RIMS2: variants seen among roughly 807,000 people sequenced by gnomAD.
RIMS2 encodes the protein regulating synaptic membrane exocytosis 2, also known as regulating synaptic membrane exocytosis protein 2.
In RIMS2, 59 loss-of-function variants were observed where a neutral mutation model predicts 174.4. The ratio of observed to expected loss-of-function variants is 0.34; its 90% confidence interval spans 0.27 to 0.42. The LOEUF (loss-of-function observed/expected upper bound fraction) is 0.42. Ranked by LOEUF, RIMS2 falls within the 10% of genes least tolerant of loss-of-function variation. RIMS2 has a pLI of 1.00. For missense variants in RIMS2, 1,620 were observed against 1,666.3 expected (o/e 0.97, Z 0.48); for synonymous variants, 606 against 572.5 (o/e 1.06, Z -0.84).
chr8:103,902,068 C>G (rs2073253898), intron 4 of RIMS2, among the ~76,000 whole-genome samples: 1 of 152,194 alleles, frequency 6.6e-6, no homozygotes, highest in Non-Finnish European at 1.5e-5. Flanking sequence ...GCATTTCTAT[C>G]TGGACACTTG....
At chr8:103,887,341 T>C (rs1241121454) in intron 4 of RIMS2, among the ~76,000 whole-genome samples, 1 of 151,636 alleles carries the variant, frequency 6.6e-6, no homozygotes, top group Non-Finnish European at 1.5e-5. Flanking sequence ...CAAATACATT[T>C]CTCATTTTAA....
rs962582193 is a variant in RIMS2 at position 103,899,395 on chromosome 8, C to T, written c.1625-10739C>T. On this transcript the variant is annotated intron_variant, in intron 4 of 23. Transcript: ENST00000504942. The stretch of plus-strand genomic sequence containing the variant: ...CTCTCCAGCACCTGTTGTTTCCTGA[C>T]TTTTTAAATGATCGCCATTCTAACT... 2.0e-5 allele frequency among the ~76,000 whole-genome samples: 3 copies of T among 151,710 alleles called. 1 individual carries two copies. The highest frequency in any genetic ancestry group is 7.3e-5 in the African/African-American group (3 of 41,002).
chr8:103,582,668 G>C (rs112610923), intron 1 of RIMS2, among the ~76,000 whole-genome samples: 1,769 of 152,264 alleles, frequency 0.012, 33 homozygotes, highest in African/African-American at 0.039. Context: ...TTGTGGCTGG[G>C]GGTAATAATG....
At chr8:104,065,400 G>A (rs2097087764) in intron 19 of RIMS2, among the ~76,000 whole-genome samples, 1 of 151,970 alleles carries the variant, frequency 6.6e-6, no homozygotes, top group South Asian at 2.1e-4. Flanking sequence ...ACTAAGTTTT[G>A]TTGAAATAAA....
intron 19 of RIMS2, among the ~76,000 whole-genome samples, chr8:104,158,694 T>G (rs2121551): frequency 0.28 from 43,189 of 152,112 alleles, 6,297 homozygotes; most frequent in Non-Finnish European, 0.32. Context: ...CATAAATGTC[T>G]TCTTTTGAGA....
At chr8:103,879,133 GC>G (rs1594416547) in intron 3 of RIMS2, among the ~76,000 whole-genome samples, 1 of 151,674 alleles carries the variant, frequency 6.6e-6, no homozygotes, top group East Asian at 1.9e-4. Context: ...GGAAATTGGA[GC>G]CCTAGAAAGA....
At chr8:103,861,315 C>A (rs2099057782) in intron 3 of RIMS2, among the ~76,000 whole-genome samples, 1 of 152,070 alleles carries the variant, frequency 6.6e-6, no homozygotes. Context: ...TGATTTCATT[C>A]TTTTTGTGGT....
chr8:103,548,306 T>C (rs1939686617), intron 1 of RIMS2, among the ~76,000 whole-genome samples: 1 of 152,188 alleles, frequency 6.6e-6, no homozygotes, highest in East Asian at 1.9e-4. Context: ...ATCAAAAAGC[T>C]GATGTGCCAC....
At position 103,646,050 on chromosome 8, in the gene RIMS2, T is replaced by TG. The variant is rs201859453; in HGVS notation, c.177-51032dup. ...GGGGTTGTTCTCTGGTGGGCAGTTG[T>TG]GGGGTTCACAAAGTGCTCAGCAGGG... On this transcript the variant is annotated intron_variant, in intron 1 of 23. Transcript: ENST00000504942. Among the ~76,000 whole-genome samples, 670 of 152,056 alleles carry TG rather than the reference T, an allele frequency of 4.4e-3. 4 individuals carry two copies. Among genetic ancestry groups the TG allele is most frequent in the African/African-American group, 0.015 (602 of 41,498 alleles).
intron 1 of RIMS2, among the ~76,000 whole-genome samples, chr8:103,557,848 T>C (rs891541507): frequency 1.3e-5 from 2 of 152,134 alleles, no homozygotes; most frequent in African/African-American, 2.4e-5. Context: ...AAATAATCTC[T>C]AGTATTATAG....
intron 3 of RIMS2, among the ~76,000 whole-genome samples, chr8:103,813,400 C>CTTTCTTTCTTTCTTTA (rs2098700603): frequency 6.6e-6 from 1 of 151,672 alleles, no homozygotes; most frequent in Admixed American, 6.6e-5. Flanking sequence ...TTCTTTCTTT[C>CTTTCTTTCTTTCTTTA]TTTCTTTCTT....
At chr8:104,137,940 G>A (rs1371780881) in intron 19 of RIMS2, among the ~76,000 whole-genome samples, 5 of 151,656 alleles carry the variant, frequency 3.3e-5, no homozygotes, top group East Asian at 1.9e-4. Flanking sequence ...ACCTGCCACC[G>A]CCACTACCCT....
intron 2 of RIMS2, 145 bp downstream of exon 5, chr8:103,716,465 A>G (rs951759457): frequency 6.6e-6 from 1 of 152,020 alleles, no homozygotes; most frequent in Non-Finnish European, 1.5e-5. Context: ...ATTATGGCTT[A>G]TTTAAGCATG....
chr8:103,792,919 C>G (rs1195032336), intron 3 of RIMS2, among the ~76,000 whole-genome samples: 2 of 152,088 alleles, frequency 1.3e-5, no homozygotes, highest in African/African-American at 4.8e-5. Flanking sequence ...ATAACAGGCT[C>G]TGAAATTGAG....
At position 103,741,890 on chromosome 8, in the gene RIMS2, C is replaced by T. The variant is rs534357866; in HGVS notation, c.388-24337C>T. ...TGAAACTTTCTGTCAGAGAAAGTCT[C>T]ACTTTACTTTGCGATTTAAATAAGT... On this transcript the variant is annotated intron_variant, in intron 2 of 23. Coordinates refer to ENST00000504942, the Ensembl canonical transcript of RIMS2. 9.9e-5 allele frequency among the ~76,000 whole-genome samples: 15 copies of T among 152,166 alleles called. No individual in the cohort carries two copies. In the East Asian group the frequency reaches 2.9e-3, roughly 29 times the overall value.
intron 1 of RIMS2, chr8:103,558,968 C>T (rs536072732): frequency 5.3e-5 from 8 of 151,846 alleles, no homozygotes; most frequent in East Asian, 3.9e-4. Context: ...ACTGCTGGGC[C>T]TCTCTCCTCA....
At chr8:104,038,222 T>A (rs1369179375) in intron 19 of RIMS2, among the ~76,000 whole-genome samples, 1 of 152,048 alleles carries the variant, frequency 6.6e-6, no homozygotes, top group Non-Finnish European at 1.5e-5. Flanking sequence ...TTATTCATTA[T>A]ATTTTATATA....
chr8:104,204,346 G>C (rs574133230), intron 19 of RIMS2, among the ~76,000 whole-genome samples: 6 of 152,164 alleles, frequency 3.9e-5, no homozygotes, highest in African/African-American at 1.4e-4. Flanking sequence ...TAAACCTTTA[G>C]TCCTGAATGT....
intron 1 of RIMS2, among the ~76,000 whole-genome samples, chr8:103,535,245 TGGA>T (rs1369894510): frequency 2.6e-5 from 4 of 152,218 alleles, no homozygotes; most frequent in Admixed American, 6.5e-5. Flanking sequence ...AGAGTAAGTT[TGGA>T]GGAGGAGTAT....
Sources: gnomAD v4.1 joint callset for allele counts (sites outside exome capture counted in the v4.1 genomes callset) on GRCh38, gnomAD v4.1.1 for gene constraint, MANE v1.5 for transcripts, NCBI Gene and HGNC (gene_info 2026-07-23, HGNC 2026-07-21) for gene names.